Variants in TBC1D32 observed in about 807,000 individuals in gnomAD.
The protein encoded by TBC1D32 is protein broad-minded.
A neutral mutation model predicts 170.3 loss-of-function variants in TBC1D32; 151 were observed. The ratio of observed to expected loss-of-function variants is 0.89; its 90% CI spans 0.78 to 1.01. The LOEUF (loss-of-function observed/expected upper bound fraction) is 1.01, where lower values mean the gene tolerates loss of function less well. Ranked by LOEUF, TBC1D32 falls within the 50% of genes least tolerant of loss-of-function variation. The probability of loss-of-function intolerance (pLI) is 0.00; values close to 1 mark genes in which losing one functional copy is unlikely to be tolerated. For synonymous variants in TBC1D32, 498 were observed against 488.0 expected, an observed-to-expected ratio of 1.02 and a Z score of -0.27; for missense variants, 1,464 against 1,457.1, an observed-to-expected ratio of 1.00 and a Z score of -0.08.
chr6:121,146,396 A>G (rs1381203749), intron 24 of TBC1D32, among the ~76,000 whole-genome samples: 2 of 150,820 alleles, frequency 1.3e-5, no homozygotes, highest in East Asian at 3.8e-4. Context: ...TGATAATAAT[A>G]GAAAGCCTAA....
At chr6:121,323,554 T>C (rs1437203986) in intron 1 of TBC1D32, among the ~76,000 whole-genome samples, 1 of 152,170 alleles carries the variant, frequency 6.6e-6, no homozygotes, top group Non-Finnish European at 1.5e-5. Flanking sequence ...AAATACCTAA[T>C]CAATCAAATC....
intron 10 of TBC1D32, among the ~76,000 whole-genome samples, chr6:121,298,704 A>C (rs992744015): frequency 6.6e-6 from 1 of 151,964 alleles, no homozygotes; most frequent in African/African-American, 2.4e-5. Context: ...TCAAACACAC[A>C]ACAATTATTG....
chr6:121,102,638 G>A (rs1416938513), intron 30 of TBC1D32, among the ~76,000 whole-genome samples: 5 of 151,796 alleles, frequency 3.3e-5, no homozygotes, highest in East Asian at 1.9e-4. Context: ...TAAAAACCCT[G>A]GAAGAAAACC....
chr6:121,100,627 A>C (rs570618797), intron 30 of TBC1D32, among the ~76,000 whole-genome samples: 1 of 151,828 alleles, frequency 6.6e-6, no homozygotes, highest in Non-Finnish European at 1.5e-5. Flanking sequence ...GCCCACAAGA[A>C]AAAGCAGGAA....
At chr6:121,099,285 T>C (rs1777748218) in intron 30 of TBC1D32, among the ~76,000 whole-genome samples, 1 of 151,882 alleles carries the variant, frequency 6.6e-6, no homozygotes, top group South Asian at 2.1e-4. Context: ...ACAGTAAGAC[T>C]TTTTTTAACA....
intron 29 of TBC1D32, among the ~76,000 whole-genome samples, chr6:121,106,535 C>T (rs73766699): frequency 0.021 from 3,244 of 152,060 alleles, 114 homozygotes; most frequent in African/African-American, 0.073. Flanking sequence ...ACTAAGTGTA[C>T]TGAAATATGC....
At position 121,267,895 on chromosome 6, in the gene TBC1D32, C is replaced by T. The variant is rs138750606; in HGVS notation, c.1733+11226G>A. On this transcript the variant is annotated intron_variant, in intron 15 of 31. Transcript: ENST00000398212. ...GACACCTCATATAACCGGGTGCCCT[C>T]CTGAGATGAAGCTTCCAGTGGAACG... 9.1e-4 allele frequency among the ~76,000 whole-genome samples: 139 copies of T among 152,168 alleles called. 1 individual carries two copies. The highest frequency in any genetic ancestry group is 3.3e-3 in the African/African-American group (137 of 41,506).
intron 22 of TBC1D32, among the ~76,000 whole-genome samples, chr6:121,189,360 CAGTG>C (rs967143279): frequency 2.0e-4 from 30 of 151,934 alleles, no homozygotes; most frequent in African/African-American, 6.3e-4. Flanking sequence ...AAGACTGACA[CAGTG>C]AGTCTAACTG....
At chr6:121,130,752 AAG>A (rs747426900) in intron 25 of TBC1D32, among the ~76,000 whole-genome samples, 1 of 152,190 alleles carries the variant, frequency 6.6e-6, no homozygotes, top group African/African-American at 2.4e-5. Flanking sequence ...TGTGCAAATT[AAG>A]AGTTTATATT....
intron 20 of TBC1D32, among the ~76,000 whole-genome samples, chr6:121,229,455 G>A (rs760422496): frequency 5.1e-4 from 78 of 152,222 alleles, no homozygotes; most frequent in Non-Finnish European, 1.0e-3. Context: ...TCAGGGAGCA[G>A]TTCAGCCTGT....
chr6:121,316,923 T>C (rs1319084931), intron 3 of TBC1D32, among the ~76,000 whole-genome samples: 4 of 152,180 alleles, frequency 2.6e-5, no homozygotes, highest in Non-Finnish European at 5.9e-5. Flanking sequence ...GCATAGGCTC[T>C]AGTCTAGCTA....
At position 121,131,639 on chromosome 6, in the gene TBC1D32, T is replaced by C. The variant is rs772079232; in HGVS notation, c.2887A>G (p.Ile963Val). Residue 963 changes from isoleucine (I) to valine (V), a missense_variant, in exon 25 of 32, where the codon ATC (isoleucine) becomes GTC (valine). Transcript: ENST00000398212. ...CKMMKAKPDI[I>V]SGEALIELLE... is the part of the protein sequence containing the mutation. ...ACAATGTACTTACCCTCTCCACTGA[T>C]TATATCAGGTTTGGCTTTCATCATT... is the stretch of plus-strand genomic sequence containing the variant. 3.5e-5 allele frequency: 56 copies of C among 1,611,130 alleles called. No homozygotes were observed. In the South Asian group the frequency reaches 5.5e-4, roughly 16 times the overall value.
In TBC1D32 at chr6:121,325,325, A is replaced by G. The variant is rs189472393; in HGVS notation, c.156-3531T>C. On this transcript the variant is annotated intron_variant, in intron 1 of 31. Coordinates refer to ENST00000398212, the MANE Select transcript of TBC1D32 (RefSeq NM_152730.6). ...ATTTCAATTCCATAAAAGTATCACT[A>G]CTTTCCAAAAAGAACAAAGCTGGAG... is the stretch of plus-strand genomic sequence containing the variant. 2.0e-4 allele frequency among the ~76,000 whole-genome samples: 30 copies of G among 152,258 alleles called. 1 individual carries two copies. Among genetic ancestry groups the G allele is most frequent in the Non-Finnish European group, 4.0e-4 (27 of 68,026 alleles).
At chr6:121,306,723 T>C (rs1807376757) in intron 5 of TBC1D32, among the ~76,000 whole-genome samples, 1 of 152,214 alleles carries the variant, frequency 6.6e-6, no homozygotes, top group Non-Finnish European at 1.5e-5. Context: ...CTTGTTAATG[T>C]AAAGCTTACT....
chr6:121,297,336 C>A (rs985979080), intron 10 of TBC1D32, among the ~76,000 whole-genome samples: 4 of 151,844 alleles, frequency 2.6e-5, no homozygotes, highest in African/African-American at 7.3e-5. Context: ...AATTGTTAAC[C>A]CCTAAGACAG....
chr6:121,239,351 C>T (rs1796678311), intron 19 of TBC1D32, among the ~76,000 whole-genome samples, 163 bp from the exon 20 acceptor site: 2 of 152,052 alleles, frequency 1.3e-5, no homozygotes, highest in South Asian at 4.2e-4. Context: ...ATTATATCTG[C>T]TATTGTTAAT....
At chr6:121,179,993 C>G (rs2128270423) in intron 22 of TBC1D32, among the ~76,000 whole-genome samples, 1 of 152,146 alleles carries the variant, frequency 6.6e-6, no homozygotes, top group South Asian at 2.1e-4. Context: ...ATAATATACA[C>G]TGGGGAACAT....
At chr6:121,100,522 T>A (rs761633563) in intron 30 of TBC1D32, among the ~76,000 whole-genome samples, 7 of 151,980 alleles carry the variant, frequency 4.6e-5, no homozygotes, top group Non-Finnish European at 8.8e-5. Flanking sequence ...GAAATAAAGA[T>A]GTTCTTTGAA....
chr6:121,219,824 GTC>G (rs1182577424), intron 21 of TBC1D32, among the ~76,000 whole-genome samples: 2 of 152,226 alleles, frequency 1.3e-5, no homozygotes, highest in Non-Finnish European at 2.9e-5. Context: ...TTCACTTTGT[GTC>G]TCTGCATCAC....
Sources: allele counts gnomAD v4.1 joint callset (sites outside exome capture counted in the v4.1 genomes callset), GRCh38; gene constraint gnomAD v4.1.1; transcripts MANE v1.5; gene names NCBI Gene and HGNC (gene_info 2026-07-23, HGNC 2026-07-21).